PGM3: variants seen among roughly 807,000 people sequenced by gnomAD.
PGM3 encodes phosphoglucomutase 3, also known as phosphoacetylglucosamine mutase.
Under a neutral mutation model 66.2 loss-of-function variants are expected in PGM3, and 40 were observed. That is an observed-to-expected ratio of 0.60 (90% CI 0.47 to 0.79). PGM3 has a LOEUF of 0.79. Among genes scored for constraint, PGM3 ranks in the 30% least tolerant of loss-of-function variants. The pLI is 0.00. For synonymous variants in PGM3, 191 were observed against 224.2 expected (o/e 0.85, Z 1.32); for missense variants, 537 against 643.4 (o/e 0.83, Z 1.79).
At chr6:83,186,922 A>T in intron 4 of PGM3, 86 bp downstream of exon 4, 1 of 714,766 alleles carries the variant, frequency 1.4e-6, no homozygotes, top group Non-Finnish European at 2.3e-6. Flanking sequence ...TGTATTTTCA[A>T]ACTTTTCTAA....
At chr6:83,178,335 T>G (rs1367749179) in intron 8 of PGM3, among the ~76,000 whole-genome samples, 2 of 152,188 alleles carry the variant, frequency 1.3e-5, no homozygotes, top group African/African-American at 4.8e-5. Flanking sequence ...CCTTGATGTT[T>G]ATATTTGAAA....
At position 83,165,500 on chromosome 6, in the gene PGM3, TTAATTAAA is replaced by T. The variant is rs1785259133; in HGVS notation, c.*3726_*3733del. 6.5e-6 allele frequency: 1 copy of T among 154,526 alleles called. No individual in the cohort carries two copies. The highest frequency in any genetic ancestry group is 2.0e-4 in the South Asian group (1 of 5,066). 9.6% of individuals were successfully genotyped at this position (154,526 alleles called of 1,614,324 possible). A position where few individuals can be genotyped will look rare whatever the true frequency, so the allele number is the denominator to read the frequency against. ...ATAACTAGGTTCACACAAATCTTTA[TTAATTAAA>T]ATAGGAACCATTACAATCAACACAT... On this transcript the variant is annotated 3_prime_UTR_variant, in exon 13 of 13. Coordinates refer to ENST00000513973, the MANE Select transcript of PGM3 (RefSeq NM_015599.3).
chr6:83,179,468 T>A (rs1050528573), intron 7 of PGM3, among the ~76,000 whole-genome samples: 4 of 152,306 alleles, frequency 2.6e-5, no homozygotes, highest in East Asian at 3.9e-4. Flanking sequence ...TCATAATCAG[T>A]TAATATATCA....
rs778449780 is a variant in PGM3 at position 83,181,929 on chromosome 6, A to G, written c.594T>C (p.Ala198=). Residue 198 remains alanine, a splice_region_variant and synonymous_variant, in exon 6 of 13, where the codon GCT becomes GCC. Transcript: ENST00000513973. ...SKAFVELTKQ[A]SCSGDEYRSL... ...ATCTGTATTCATCTCCACTGCAAGA[A>G]GCCTACAAAGGAAAAAGACACATGG... is the stretch of plus-strand genomic sequence containing the variant. 6.3e-7 allele frequency: 1 copy of G among 1,579,198 alleles called. No homozygotes were observed. Among genetic ancestry groups the G allele is most frequent in the Non-Finnish European group, 8.6e-7 (1 of 1,168,558 alleles).
chr6:83,191,089 C>A, intron 1 of PGM3, 75 bp from the exon 2 acceptor site: 1 of 1,490,340 alleles, frequency 6.7e-7, no homozygotes, highest in South Asian at 1.2e-5. Flanking sequence ...AAACTGCCAC[C>A]CCAAACGAAT....
intron 9 of PGM3, among the ~76,000 whole-genome samples, chr6:83,174,771 G>A (rs1197879407): frequency 1.3e-5 from 2 of 152,178 alleles, no homozygotes; most frequent in Non-Finnish European, 2.9e-5. Context: ...AGCACACACA[G>A]TAAGTTCATG....
At chr6:83,150,037 T>G in the PGM3 span, among the ~76,000 whole-genome samples, 1 of 152,162 alleles carries the variant, frequency 6.6e-6, no homozygotes, top group Admixed American at 6.5e-5. Context: ...AAATGCTTAG[T>G]GTGGGAAAGT....
At chr6:83,148,863 G>C in the PGM3 span, 1 of 1,499,398 alleles carries the variant, frequency 6.7e-7, no homozygotes, top group African/African-American at 1.5e-5. Flanking sequence ...CTTATACTTG[G>C]GTAAGCAATT....
At position 83,169,084 on chromosome 6, in the gene PGM3, GT is replaced by G; in HGVS notation, c.*149del. 6.9e-7 allele frequency: 1 copy of G among 1,439,190 alleles called. No individual in the cohort carries two copies. Among genetic ancestry groups the G allele is most frequent in the Non-Finnish European group, 9.1e-7 (1 of 1,100,762 alleles). The allele number at this position is 1,439,190 out of a possible 1,614,324, so 89.2% of individuals were successfully genotyped here. ...TTACCTATTTATAAAGAATTATTCTGTTAGTGTTTAAGAAAAACAGATCTAG... is the reference window on the plus strand; with the variant it reads ...TTACCTATTTATAAAGAATTATTCTGTAGTGTTTAAGAAAAACAGATCTAG... On this transcript the variant is annotated 3_prime_UTR_variant, in exon 13 of 13. Transcript: ENST00000513973.
chr6:83,170,611 G>A, intron 11 of PGM3, 133 bp from the exon 12 acceptor site: 1 of 709,890 alleles, frequency 1.4e-6, no homozygotes, highest in Non-Finnish European at 2.3e-6. Context: ...CCAAGGTCAG[G>A]GTAATTAATT....
intron 3 of PGM3, chr6:83,188,356 T>C: frequency 3.2e-6 from 1 of 308,774 alleles, no homozygotes; most frequent in Non-Finnish European, 6.0e-6. Context: ...GTGCTTCTCT[T>C]GTGTCAGGAA....
intron 11 of PGM3, chr6:83,171,365 A>G (rs1022942268): frequency 1.3e-5 from 2 of 152,168 alleles, no homozygotes; most frequent in Non-Finnish European, 2.9e-5. Flanking sequence ...TGCGTCATTC[A>G]TATTATTTAT....
intron 8 of PGM3, 43 bp from the exon 9 acceptor site, chr6:83,176,103 G>A: frequency 1.8e-6 from 2 of 1,098,802 alleles, no homozygotes; most frequent in Non-Finnish European, 2.8e-6. Flanking sequence ...TTACTCAGAT[G>A]TCAAATGTTT....
downstream of PGM3, chr6:83,159,881 T>G: frequency 6.8e-6 from 11 of 1,614,116 alleles, no homozygotes; most frequent in Non-Finnish European, 9.3e-6. Flanking sequence ...CCAGCGGTGG[T>G]TAAACCTCTA....
chr6:83,153,976 A>G, the PGM3 span: 1 of 1,614,046 alleles, frequency 6.2e-7, no homozygotes, highest in Non-Finnish European at 8.5e-7. Context: ...GAGAGCTTGG[A>G]AAAAAGAAGC....
rs138786799 is a variant in PGM3 at position 83,167,930 on chromosome 6, C to T, written c.*1304G>A. ...AGCCAGGGCACTTGCTGCTCACCATCTGCACCGTGCGCAGTATGGAGCAGC... is the reference window on the plus strand; with the variant it reads ...AGCCAGGGCACTTGCTGCTCACCATTTGCACCGTGCGCAGTATGGAGCAGC... On this transcript the variant is annotated 3_prime_UTR_variant, in exon 13 of 13. Coordinates refer to ENST00000513973, the MANE Select transcript of PGM3 (RefSeq NM_015599.3). 11 of 1,614,088 alleles carry T rather than the reference C, an allele frequency of 6.8e-6. No homozygotes were observed. Among genetic ancestry groups the T allele is most frequent in the African/African-American group, 6.7e-5 (5 of 74,944 alleles).
downstream of PGM3, among the ~76,000 whole-genome samples, chr6:83,157,987 C>A (rs1783191205): frequency 6.6e-6 from 1 of 151,890 alleles, no homozygotes; most frequent in Non-Finnish European, 1.5e-5. Context: ...TTTAATCTTT[C>A]TTTTATTTTT....
chr6:83,160,070 A>G, downstream of PGM3: 1 of 1,017,110 alleles, frequency 9.8e-7, no homozygotes, highest in East Asian at 2.5e-5. Flanking sequence ...AATATTCCTA[A>G]TTTTTACTAA....
downstream of PGM3, among the ~76,000 whole-genome samples, chr6:83,162,127 C>T (rs952596056): frequency 2.6e-5 from 4 of 152,168 alleles, no homozygotes; most frequent in South Asian, 8.3e-4. Flanking sequence ...CTCTTTTGGG[C>T]ATAAACTCTC....
Sources: allele counts gnomAD v4.1 joint callset (sites outside exome capture counted in the v4.1 genomes callset), GRCh38; gene constraint gnomAD v4.1.1; transcripts MANE v1.5; gene names NCBI Gene and HGNC (gene_info 2026-07-23, HGNC 2026-07-21).